The following TMEFF1 variants were observed in gnomAD, a reference collection of about 807,000 sequenced individuals.
TMEFF1 encodes the protein transmembrane protein with EGF like and two follistatin like domains 1, also known as tomoregulin-1.
In TMEFF1, 20 loss-of-function variants were observed where a neutral mutation model predicts 47.5. The observed-to-expected ratio is 0.42, with a 90% CI of 0.30 to 0.61. The LOEUF is 0.61. Ranked by LOEUF, TMEFF1 falls within the 20% of genes least tolerant of loss-of-function variation. TMEFF1 has a pLI of 0.19. For missense variants in TMEFF1, 411 were observed against 471.1 expected (o/e 0.87, Z 1.18); for synonymous variants, 162 against 166.3 (o/e 0.97, Z 0.20).
At chr9:100,565,256 A>G (rs1178048177) in intron 8 of TMEFF1, among the ~76,000 whole-genome samples, 1 of 152,048 alleles carries the variant, frequency 6.6e-6, no homozygotes, top group African/African-American at 2.4e-5. Flanking sequence ...CCATTTATTG[A>G]TCCTATCACC....
intron 5 of TMEFF1, among the ~76,000 whole-genome samples, chr9:100,522,797 T>A (rs1838188484): frequency 6.6e-6 from 1 of 151,972 alleles, no homozygotes; most frequent in Non-Finnish European, 1.5e-5. Flanking sequence ...TGCAGTGGCA[T>A]GATCTCGGCT....
intron 7 of TMEFF1, among the ~76,000 whole-genome samples, chr9:100,555,366 T>G (rs1443767359): frequency 6.6e-6 from 1 of 152,204 alleles, no homozygotes; most frequent in East Asian, 1.9e-4. Context: ...TTACATCTTT[T>G]GAGGCTTTTT....
At chr9:100,566,284 AC>A (rs1839124012) in intron 8 of TMEFF1, among the ~76,000 whole-genome samples, 1 of 152,122 alleles carries the variant, frequency 6.6e-6, no homozygotes, top group African/African-American at 2.4e-5. Flanking sequence ...CTCCTAATTT[AC>A]ATAAATCCCA....
chr9:100,568,434 G>T (rs1223962242), intron 8 of TMEFF1, among the ~76,000 whole-genome samples: 1 of 152,162 alleles, frequency 6.6e-6, no homozygotes, highest in Non-Finnish European at 1.5e-5. Flanking sequence ...TGTTCTTTAT[G>T]TTAGAAGGTG....
At chr9:100,562,595 C>T (rs1204229871) in intron 8 of TMEFF1, among the ~76,000 whole-genome samples, 1 of 151,560 alleles carries the variant, frequency 6.6e-6, no homozygotes, top group Non-Finnish European at 1.5e-5. Flanking sequence ...AAAAATCTAG[C>T]TGTACGAATG....
At chr9:100,504,210 A>T (rs1244620352) in intron 2 of TMEFF1, among the ~76,000 whole-genome samples, 1 of 152,216 alleles carries the variant, frequency 6.6e-6, no homozygotes, top group Non-Finnish European at 1.5e-5. Flanking sequence ...TCAGTGCATA[A>T]GTCAGAAATC....
chr9:100,481,330 A>G (rs1837334823), intron 1 of TMEFF1, among the ~76,000 whole-genome samples: 1 of 152,214 alleles, frequency 6.6e-6, no homozygotes, highest in African/African-American at 2.4e-5. Context: ...TCTGGTACGA[A>G]GTTAGGTTCC....
At chr9:100,551,440 G>A (rs1047763577) in intron 7 of TMEFF1, among the ~76,000 whole-genome samples, 3 of 152,106 alleles carry the variant, frequency 2.0e-5, no homozygotes, top group Admixed American at 6.6e-5. Context: ...AAAATTTCCT[G>A]TATTCTCGTA....
At chr9:100,565,897 C>G (rs1486309318) in intron 8 of TMEFF1, among the ~76,000 whole-genome samples, 2 of 152,172 alleles carry the variant, frequency 1.3e-5, no homozygotes, top group Non-Finnish European at 2.9e-5. Context: ...AAAGAGTTGT[C>G]TAAAGTCTAT....
chr9:100,474,859 AG>A (rs1837192541), intron 1 of TMEFF1, among the ~76,000 whole-genome samples: 1 of 152,086 alleles, frequency 6.6e-6, no homozygotes, highest in South Asian at 2.1e-4. Flanking sequence ...ACTGGGGAGG[AG>A]GGTCCCAGCA....
intron 1 of TMEFF1, among the ~76,000 whole-genome samples, chr9:100,483,341 A>T (rs955438332): frequency 6.6e-6 from 1 of 152,112 alleles, no homozygotes; most frequent in African/African-American, 2.4e-5. Flanking sequence ...TATTAAAAAT[A>T]CAAAAATTAG....
chr9:100,486,304 G>A (rs1056278330), intron 1 of TMEFF1, among the ~76,000 whole-genome samples: 20 of 152,104 alleles, frequency 1.3e-4, no homozygotes, highest in East Asian at 5.8e-4. Context: ...GTGCAATGAC[G>A]TGATCTCGGC....
At chr9:100,572,930 C>G (rs998322167) in intron 9 of TMEFF1, among the ~76,000 whole-genome samples, 20 of 151,426 alleles carry the variant, frequency 1.3e-4, no homozygotes, top group African/African-American at 4.6e-4. Context: ...GATCTGAGAA[C>G]TGTATACAGT....
chr9:100,475,370 A>T (rs1564259641), intron 1 of TMEFF1, among the ~76,000 whole-genome samples: 1 of 152,198 alleles, frequency 6.6e-6, no homozygotes, highest in Non-Finnish European at 1.5e-5. Context: ...TCCGTGAAAA[A>T]ACTTTTCTGT....
rs1839124992 is a variant in TMEFF1, at chr9:100,566,352, A to AT, written c.899+4833dup. Among the ~76,000 whole-genome samples, 4 of 152,232 alleles carry AT rather than the reference A, an allele frequency of 2.6e-5. No individual in the cohort carries two copies. The South Asian group carries it at 8.3e-4, about 32-fold the overall frequency. ...CCATATGCCTCCTTTACATTTCCAC[A>AT]TGGACGTCTGACACCTCAATCTCAA... is the stretch of plus-strand genomic sequence containing the variant. On this transcript the variant is annotated intron_variant, in intron 8 of 9. Coordinates refer to ENST00000374879, the MANE Select transcript of TMEFF1 (RefSeq NM_003692.5).
At chr9:100,527,359 G>T (rs1297606004) in intron 5 of TMEFF1, among the ~76,000 whole-genome samples, 7 of 152,222 alleles carry the variant, frequency 4.6e-5, no homozygotes, top group African/African-American at 7.2e-5. Flanking sequence ...GTGCCAGACA[G>T]TGGGCACAGG....
Position 100,473,609 on chromosome 9 carries a change from G to A in TMEFF1, c.65G>A (p.Cys22Tyr), listed in dbSNP as rs748507401. 2.9e-5 allele frequency: 45 copies of A among 1,558,390 alleles called. No homozygotes were observed. The South Asian group carries it at 4.8e-4, about 17-fold the overall frequency. ...GCCGCGCCTCCGCTCGCCTTCTGCT[G>A]CTACACGTCGGTGCTTCTGCTCTTC... is the stretch of plus-strand genomic sequence containing the variant. Reference protein sequence around the residue: ...LPAAPPLAFCCYTSVLLLFAF... With the variant: ...LPAAPPLAFCYYTSVLLLFAF... Residue 22 changes from cysteine (C) to tyrosine (Y), a missense_variant, in exon 1 of 10, where the codon TGC becomes TAC. By Grantham distance (194) the Cys-to-Tyr change is radical (BLOSUM62 -2). Coordinates refer to ENST00000374879, the MANE Select transcript of TMEFF1 (RefSeq NM_003692.5). This position sits in a 1 kb window ranked among gnomAD's most constrained non-coding sequence, Gnocchi z 5.4.
At chr9:100,481,543 A>G (rs1837338250) in intron 1 of TMEFF1, among the ~76,000 whole-genome samples, 1 of 152,228 alleles carries the variant, frequency 6.6e-6, no homozygotes, top group African/African-American at 2.4e-5. Context: ...ATGCCACCAC[A>G]TTAAGGTCTT....
chr9:100,504,130 G>T (rs1216980449), intron 2 of TMEFF1, among the ~76,000 whole-genome samples: 1 of 152,172 alleles, frequency 6.6e-6, no homozygotes, highest in Non-Finnish European at 1.5e-5. Context: ...AGGTACAGGG[G>T]AGAGTTCTTC....
Sources: allele counts gnomAD v4.1 joint callset (sites outside exome capture counted in the v4.1 genomes callset), GRCh38; gene constraint gnomAD v4.1.1; non-coding constraint Gnocchi (gnomAD v3.1); transcripts MANE v1.5; gene names NCBI Gene and HGNC (gene_info 2026-07-23, HGNC 2026-07-21).